ANKS1B: variants seen among roughly 807,000 people sequenced by gnomAD.
ANKS1B encodes the protein ankyrin repeat and sterile alpha motif domain-containing protein 1B.
ANKS1B carries 36 observed loss-of-function variants against 148.3 expected under a neutral mutation model. That is an observed-to-expected ratio of 0.24 (90% CI 0.19 to 0.32). The LOEUF (loss-of-function observed/expected upper bound fraction) is 0.32. Among genes scored for constraint, ANKS1B ranks in the 10% least tolerant of loss-of-function variants. ANKS1B has a pLI of 1.00. For missense variants in ANKS1B, 1,157 were observed against 1,542.6 expected (o/e 0.75, Z 4.19); for synonymous variants, 542 against 560.8 (o/e 0.97, Z 0.47).
chr12:98,848,898 CT>C (rs372425073), intron 17 of ANKS1B, among the ~76,000 whole-genome samples: 14 of 152,134 alleles, frequency 9.2e-5, no homozygotes, highest in African/African-American at 2.9e-4. Context: ...GCCACCACCC[CT>C]GGCTAATTTT....
chr12:99,495,330 C>G (rs1389307447), intron 10 of ANKS1B, among the ~76,000 whole-genome samples: 1 of 140,812 alleles, frequency 7.1e-6, no homozygotes, highest in Non-Finnish European at 1.5e-5. Flanking sequence ...AAATTGATTT[C>G]AGGGGAGAAA....
intron 17 of ANKS1B, among the ~76,000 whole-genome samples, chr12:98,973,380 T>C (rs1270259674): frequency 6.6e-6 from 1 of 152,222 alleles, no homozygotes; most frequent in Non-Finnish European, 1.5e-5. Context: ...GTATCTTTCT[T>C]GGGGCAGGTA....
intron 12 of ANKS1B, among the ~76,000 whole-genome samples, chr12:99,254,696 A>G (rs2075049416): frequency 6.6e-6 from 1 of 152,200 alleles, no homozygotes; most frequent in Non-Finnish European, 1.5e-5. Flanking sequence ...CTTATCTTCT[A>G]AGGTTGCTGA....
At chr12:99,876,156 C>G (rs771029078) in intron 1 of ANKS1B, among the ~76,000 whole-genome samples, 4 of 152,088 alleles carry the variant, frequency 2.6e-5, no homozygotes, top group African/African-American at 9.7e-5. Context: ...TCAACTTTTA[C>G]GTGATATTTA....
At chr12:99,428,606 G>A (rs1322873537) in intron 11 of ANKS1B, among the ~76,000 whole-genome samples, 1 of 152,138 alleles carries the variant, frequency 6.6e-6, no homozygotes. Flanking sequence ...AAATATAGAT[G>A]TTCCTGTGCA....
At chr12:99,623,100 T>C (rs752775036) in intron 9 of ANKS1B, among the ~76,000 whole-genome samples, 10 of 151,924 alleles carry the variant, frequency 6.6e-5, no homozygotes, top group Non-Finnish European at 1.2e-4. Context: ...GCTCAATATA[T>C]ATAAATCAAT....
intron 4 of ANKS1B, among the ~76,000 whole-genome samples, chr12:99,784,515 G>A (rs536676572): frequency 6.6e-6 from 1 of 152,070 alleles, no homozygotes; most frequent in South Asian, 2.1e-4. Context: ...TCTTCCACAG[G>A]GGGTCTCCAA....
At chr12:99,920,484 G>C (rs1312365358) in intron 1 of ANKS1B, among the ~76,000 whole-genome samples, 3 of 148,358 alleles carry the variant, frequency 2.0e-5, no homozygotes, top group Admixed American at 6.7e-5. Flanking sequence ...TTCTCCAGAG[G>C]ACAAAAAAAA....
chr12:99,319,216 C>T (rs1445221208), intron 12 of ANKS1B, among the ~76,000 whole-genome samples: 2 of 152,108 alleles, frequency 1.3e-5, no homozygotes, highest in East Asian at 1.9e-4. Flanking sequence ...GAGTTCAATT[C>T]CTGGATATCC....
intron 22 of ANKS1B, among the ~76,000 whole-genome samples, chr12:98,788,076 G>A (rs2098813147): frequency 6.6e-6 from 1 of 151,974 alleles, no homozygotes; most frequent in Non-Finnish European, 1.5e-5. Flanking sequence ...TGTGATTAGA[G>A]GGTTACCAAG....
intron 14 of ANKS1B, among the ~76,000 whole-genome samples, chr12:99,209,676 T>A (rs1483684345): frequency 6.6e-6 from 1 of 152,176 alleles, no homozygotes; most frequent in Non-Finnish European, 1.5e-5. Context: ...GATTTCATGT[T>A]GTGGACAGTG....
chr12:99,973,371 G>C (rs1424399975), intron 1 of ANKS1B, among the ~76,000 whole-genome samples: 1 of 152,204 alleles, frequency 6.6e-6, no homozygotes, highest in Non-Finnish European at 1.5e-5. Context: ...CTTGAGCCCA[G>C]AAGTTCAAGA....
At chr12:99,473,635 G>T (rs2096274541) in intron 10 of ANKS1B, among the ~76,000 whole-genome samples, 1 of 151,950 alleles carries the variant, frequency 6.6e-6, no homozygotes, top group Non-Finnish European at 1.5e-5. Context: ...CTAGTAGATG[G>T]AAATACAACT....
intron 14 of ANKS1B, among the ~76,000 whole-genome samples, chr12:99,164,494 T>C (rs1157351868): frequency 6.6e-6 from 1 of 152,098 alleles, no homozygotes; most frequent in East Asian, 1.9e-4. Flanking sequence ...TTTTTAACTT[T>C]GTGACTCTGA....
At chr12:99,773,607 T>C (rs2063391041) in intron 7 of ANKS1B, among the ~76,000 whole-genome samples, 2 of 152,150 alleles carry the variant, frequency 1.3e-5, no homozygotes, top group Non-Finnish European at 1.5e-5. Flanking sequence ...ATGCATCATC[T>C]GTCAAACATG....
chr12:99,240,318 G>A (rs1366686060), intron 14 of ANKS1B, among the ~76,000 whole-genome samples: 3 of 152,062 alleles, frequency 2.0e-5, no homozygotes, highest in Admixed American at 1.3e-4. Flanking sequence ...GACAAAGAAG[G>A]CCACTATATA....
chr12:98,915,435 T>C (rs2099792997), intron 17 of ANKS1B, among the ~76,000 whole-genome samples: 1 of 152,132 alleles, frequency 6.6e-6, no homozygotes, highest in East Asian at 1.9e-4. Context: ...TACTGCAACC[T>C]CCGCCTCCCA....
At chr12:99,125,717 A>G (rs920703301) in intron 15 of ANKS1B, among the ~76,000 whole-genome samples, 7 of 152,204 alleles carry the variant, frequency 4.6e-5, no homozygotes, top group African/African-American at 1.7e-4. Flanking sequence ...GATAACTCCT[A>G]GGTTTCCCAT....
intron 15 of ANKS1B, among the ~76,000 whole-genome samples, chr12:99,108,624 T>C (rs1378155651): frequency 6.6e-6 from 1 of 152,182 alleles, no homozygotes; most frequent in African/African-American, 2.4e-5. Flanking sequence ...CATAAAAGAT[T>C]GACAATTTTA....
Sources: allele counts gnomAD v4.1 joint callset (sites outside exome capture counted in the v4.1 genomes callset), GRCh38; gene constraint gnomAD v4.1.1; transcripts MANE v1.5; gene names NCBI Gene and HGNC (gene_info 2026-07-23, HGNC 2026-07-21).